SMIM14: variants seen among roughly 807,000 people sequenced by gnomAD.
The protein encoded by SMIM14 is chromosome 4 open reading frame 34.
Under a neutral mutation model 12.6 loss-of-function variants are expected in SMIM14, and 5 were observed. The observed-to-expected ratio is 0.40, with a 90% confidence interval of 0.21 to 0.83. The LOEUF (loss-of-function observed/expected upper bound fraction) is 0.83. SMIM14 is among the 40% of genes least tolerant of loss of function. The probability of loss-of-function intolerance (pLI) is 0.37; values close to 1 mark genes in which losing one functional copy is unlikely to be tolerated. For missense variants in SMIM14, 86 were observed against 119.1 expected (o/e 0.72, Z 1.29); for synonymous variants, 30 against 40.1 (o/e 0.75, Z 0.95).
chr4:39,630,548 T>A (rs551347201), intron 1 of SMIM14, among the ~76,000 whole-genome samples: 1 of 152,242 alleles, frequency 6.6e-6, no homozygotes, highest in South Asian at 2.1e-4. Flanking sequence ...GAAAAATGCT[T>A]AGAACTACTG....
chr4:39,613,455 G>A (rs1278865420), intron 1 of SMIM14, among the ~76,000 whole-genome samples: 1 of 152,160 alleles, frequency 6.6e-6, no homozygotes, highest in Non-Finnish European at 1.5e-5. Flanking sequence ...TAAAATCACT[G>A]GGGGTTTTTT....
At chr4:39,623,855 C>T (rs1462513852) in intron 1 of SMIM14, among the ~76,000 whole-genome samples, 1 of 151,942 alleles carries the variant, frequency 6.6e-6, no homozygotes, top group Non-Finnish European at 1.5e-5. Context: ...GAGCAAGACT[C>T]CATCTGAAAA....
intron 2 of SMIM14, chr4:39,592,914 G>C (rs1714178982): frequency 6.6e-6 from 1 of 152,084 alleles, no homozygotes; most frequent in Non-Finnish European, 1.5e-5. Flanking sequence ...ATAATTAATA[G>C]CTTACCAACC....
chr4:39,605,450 A>C (rs1001931801), intron 1 of SMIM14, among the ~76,000 whole-genome samples: 3 of 148,846 alleles, frequency 2.0e-5, no homozygotes, highest in Non-Finnish European at 3.0e-5. Context: ...AAGATGCTAG[A>C]ACCTACTCTG....
intron 3 of SMIM14, 73 bp downstream of exon 3, chr4:39,572,342 C>A (rs1712938806): frequency 4.3e-6 from 2 of 467,094 alleles, no homozygotes; most frequent in African/African-American, 5.7e-5. Flanking sequence ...TAAATTCTGA[C>A]AAATATTCAC....
At chr4:39,628,447 G>A (rs1715781670) in intron 1 of SMIM14, among the ~76,000 whole-genome samples, 1 of 151,938 alleles carries the variant, frequency 6.6e-6, no homozygotes, top group Non-Finnish European at 1.5e-5. Flanking sequence ...GGCTGAGACG[G>A]GCAGATCACG....
intron 1 of SMIM14, among the ~76,000 whole-genome samples, chr4:39,626,486 C>CAGCACAGGAGACAGGT (rs1560310120): frequency 1.3e-5 from 2 of 152,266 alleles, no homozygotes; most frequent in East Asian, 3.9e-4. Flanking sequence ...GGGATTCAAA[C>CAGCACAGGAGACAGGT]GCCCTGTCTT....
intron 4 of SMIM14, among the ~76,000 whole-genome samples, chr4:39,555,675 C>G (rs1477799590): frequency 6.6e-6 from 1 of 152,164 alleles, no homozygotes; most frequent in Non-Finnish European, 1.5e-5. Context: ...CTCCTTTTGC[C>G]AGCTCAGCTG....
intron 3 of SMIM14, among the ~76,000 whole-genome samples, chr4:39,557,665 A>G (rs1389171022): frequency 1.3e-5 from 2 of 152,194 alleles, no homozygotes; most frequent in Non-Finnish European, 2.9e-5. Flanking sequence ...AAATATGAAA[A>G]GCACTCATGT....
intron 2 of SMIM14, among the ~76,000 whole-genome samples, chr4:39,600,227 G>A (rs868060420): frequency 3.2e-4 from 49 of 151,960 alleles, no homozygotes; most frequent in African/African-American, 1.0e-3. Context: ...TCCAATGTGA[G>A]CTACAAAATA....
At chr4:39,563,082 C>T (rs1033873745) in intron 3 of SMIM14, among the ~76,000 whole-genome samples, 5 of 151,496 alleles carry the variant, frequency 3.3e-5, no homozygotes, top group Admixed American at 1.3e-4. Flanking sequence ...TTTTTTGAGA[C>T]GGAGTTTCAC....
chr4:39,576,684 A>ATTTTTTT (rs574142564), intron 2 of SMIM14, among the ~76,000 whole-genome samples: 1 of 25,552 alleles, frequency 3.9e-5, no homozygotes, highest in Non-Finnish European at 6.7e-5. Context: ...ATATATATAT[A>ATTTTTTT]TTTTTTTTTT....
At chr4:39,638,508 C>T (rs1249568575) in intron 1 of SMIM14, 2 of 985,482 alleles carry the variant, frequency 2.0e-6, no homozygotes, top group Non-Finnish European at 2.4e-6. Context: ...CTCTGACATC[C>T]TGCAGAGAAT....
chr4:39,576,946 A>G (rs1713229216), intron 2 of SMIM14, among the ~76,000 whole-genome samples: 1 of 151,244 alleles, frequency 6.6e-6, no homozygotes, highest in Admixed American at 6.6e-5. Context: ...CCTGACCTCC[A>G]GTGATCTGCC....
chr4:39,623,398 GCAAA>G (rs1442254312), intron 1 of SMIM14, among the ~76,000 whole-genome samples: 4 of 152,146 alleles, frequency 2.6e-5, no homozygotes, highest in African/African-American at 9.7e-5. Flanking sequence ...CCGACTCCAT[GCAAA>G]CAGAGCTCTT....
In SMIM14 at chr4:39,618,388, T is replaced by C. The variant is rs572379379; in HGVS notation, c.-35-13208A>G. Among the ~76,000 whole-genome samples the C allele has an allele frequency of 2.7e-4, 41 of 152,118 alleles. No homozygotes were observed. In the East Asian group the frequency reaches 7.0e-3, roughly 26 times the overall value. On this transcript the variant is annotated intron_variant, in intron 1 of 4. Coordinates refer to ENST00000295958, the MANE Select transcript of SMIM14 (RefSeq NM_174921.3). ...TAAAATGGGGCTCCAGGAACTGCAC[T>C]TGAAAGCCCCAGAGTATTGGGAGGC...
At chr4:39,622,516 C>T (rs1033796219) in intron 1 of SMIM14, among the ~76,000 whole-genome samples, 1 of 152,014 alleles carries the variant, frequency 6.6e-6, no homozygotes, top group Non-Finnish European at 1.5e-5. Context: ...TTCTCCTGCC[C>T]CAGCCTCCCA....
At chr4:39,581,268 A>C (rs1281979245) in intron 2 of SMIM14, among the ~76,000 whole-genome samples, 3 of 152,084 alleles carry the variant, frequency 2.0e-5, no homozygotes, top group Non-Finnish European at 4.4e-5. Flanking sequence ...TTCTCCCTCT[A>C]AAATTCAAAT....
intron 1 of SMIM14, 52 bp downstream of exon 1, chr4:39,638,687 G>A: frequency 4.1e-6 from 4 of 985,194 alleles, no homozygotes; most frequent in Non-Finnish European, 4.8e-6. Context: ...AAAAACTGGG[G>A]CGAGGGGAGG....
Sources: gnomAD v4.1 joint callset for allele counts (sites outside exome capture counted in the v4.1 genomes callset) on GRCh38, gnomAD v4.1.1 for gene constraint, MANE v1.5 for transcripts, NCBI Gene and HGNC (gene_info 2026-07-23, HGNC 2026-07-21) for gene names.